The following TMEM40 variants were observed in gnomAD, a reference collection of about 807,000 sequenced individuals.
TMEM40 encodes the protein transmembrane protein 40.
A neutral mutation model predicts 40.8 loss-of-function variants in TMEM40; 34 were observed. That is an observed-to-expected ratio of 0.83 (90% CI 0.63 to 1.11). TMEM40 has a LOEUF of 1.11. TMEM40 is among the 50% of genes least tolerant of loss of function. The probability of loss-of-function intolerance (pLI) is 0.00; values close to 1 mark genes in which losing one functional copy is unlikely to be tolerated. For synonymous variants in TMEM40, 106 were observed against 107.0 expected (o/e 0.99, Z 0.06); for missense variants, 296 against 280.2 (o/e 1.06, Z -0.40).
chr3:12,762,986 C>G (rs2061579348), upstream of TMEM40, among the ~76,000 whole-genome samples: 2 of 151,912 alleles, frequency 1.3e-5, no homozygotes, highest in Admixed American at 1.3e-4. Flanking sequence ...AGTGAAACCC[C>G]CGTCTCTACT....
chr3:12,768,307 C>T (rs1275931089), intron 1 of TMEM40, among the ~76,000 whole-genome samples: 2 of 152,154 alleles, frequency 1.3e-5, no homozygotes, highest in Admixed American at 1.3e-4. Flanking sequence ...AACAACAAAG[C>T]TTCCACAGTG....
chr3:12,738,266 T>G, intron 6 of TMEM40, 98 bp from the exon 7 acceptor site: 1 of 1,390,302 alleles, frequency 7.2e-7, no homozygotes, highest in Non-Finnish European at 1.0e-6. Context: ...TAAAAAAATG[T>G]CCCCATGGAA....
exon 1 of TMEM40, chr3:12,769,271 C>T (rs1169271148): frequency 2.4e-6 from 1 of 412,380 alleles, no homozygotes. Flanking sequence ...GCTGAGGGAG[C>T]CGGCTCCGGC....
chr3:12,766,346 A>C (rs2061594676), intron 1 of TMEM40, among the ~76,000 whole-genome samples: 1 of 152,044 alleles, frequency 6.6e-6, no homozygotes, highest in Non-Finnish European at 1.5e-5. Context: ...CTGTAATCCC[A>C]GCACTTTGGG....
intron 1 of TMEM40, among the ~76,000 whole-genome samples, chr3:12,765,636 C>T (rs1354052215): frequency 4.8e-5 from 7 of 146,554 alleles, no homozygotes; most frequent in South Asian, 4.3e-4. Flanking sequence ...GGCGTGATCT[C>T]GGCTCACTCC....
At chr3:12,761,770 A>T (rs2061569757), upstream of TMEM40, among the ~76,000 whole-genome samples, 1 of 152,166 alleles carries the variant, frequency 6.6e-6, no homozygotes, top group Non-Finnish European at 1.5e-5. Flanking sequence ...CTGTCCGAAC[A>T]GTAGCCACCA....
intron 3 of TMEM40, 132 bp downstream of exon 3, chr3:12,748,523 C>A: frequency 7.8e-7 from 1 of 1,275,172 alleles, no homozygotes; most frequent in South Asian, 1.5e-5. Flanking sequence ...GTAGACAGAT[C>A]GGCTCTAGAA....
rs370139166 is a variant in TMEM40, at chr3:12,739,978, C to T, written c.356-1390G>A. Among the ~76,000 whole-genome samples, 17 of 148,614 alleles carry T rather than the reference C, an allele frequency of 1.1e-4. 2 individuals carry two copies. The highest frequency in any genetic ancestry group is 2.7e-4 in the Admixed American group (4 of 14,816). On this transcript the variant is annotated intron_variant, in intron 5 of 11. Transcript: ENST00000314124. ...AGCTGGGATTACAGGTGTGAGCCAC[C>T]ATGTCTGGCTCTCACAATCATAATT...
chr3:12,743,294 C>T (rs950553939), intron 4 of TMEM40, among the ~76,000 whole-genome samples: 13 of 152,142 alleles, frequency 8.5e-5, no homozygotes, highest in African/African-American at 2.9e-4. Context: ...ATGGTAAAAC[C>T]CTGTCTCTAC....
chr3:12,738,068 T>C, intron 7 of TMEM40, 68 bp downstream of exon 7: 4 of 1,596,888 alleles, frequency 2.5e-6, no homozygotes, highest in Non-Finnish European at 3.4e-6. Flanking sequence ...TCAGGCTGTC[T>C]GAGGACCCAA....
At position 12,742,494 on chromosome 3, in the gene TMEM40, C is replaced by T. The variant is rs1391680924; in HGVS notation, c.315G>A (p.Gly105=). ...HGNGSPGPGH[G]EPDVLKDELQ... ...GCTCATCCTTCAAAACGTCAGGCTC[C>T]CCATGCCCAGGACCTGGATGGAGAC... Residue 105 remains glycine (G), a synonymous_variant, in exon 5 of 12, where the codon GGG becomes GGA. Coordinates refer to ENST00000314124, the MANE Select transcript of TMEM40 (RefSeq NM_018306.4). 7 of 1,613,856 alleles carry T rather than the reference C, an allele frequency of 4.3e-6. No homozygotes were observed. The highest frequency in any genetic ancestry group is 3.3e-4 in the Middle Eastern group (2 of 6,084).
At chr3:12,755,210 T>A (rs11706351) in intron 1 of TMEM40, among the ~76,000 whole-genome samples, 33,259 of 98,958 alleles carry the variant, frequency 0.34, 5,116 homozygotes, top group Non-Finnish European at 0.42. Flanking sequence ...TTTCTTTCTT[T>A]CTTTCTCTCT....
chr3:12,768,236 C>T (rs1258356809), intron 1 of TMEM40, among the ~76,000 whole-genome samples: 1 of 152,058 alleles, frequency 6.6e-6, no homozygotes, highest in African/African-American at 2.4e-5. Context: ...CAGAAGTGAG[C>T]CTGCAGACCT....
At chr3:12,754,306 C>T (rs569294192) in intron 1 of TMEM40, among the ~76,000 whole-genome samples, 30 of 151,992 alleles carry the variant, frequency 2.0e-4, no homozygotes, top group Admixed American at 1.6e-3. Flanking sequence ...AGCACGATTC[C>T]GTCTCAAAAC....
rs181317731 is a variant in TMEM40, at chr3:12,736,180, G to A, written c.619+398C>T. ...TTTTTTTTTTTTGAGACAGAGTCTC[G>A]CTCTGTTGCCCAGGCTGGAGTGCAG... On this transcript the variant is annotated intron_variant, in intron 10 of 11. Transcript: ENST00000314124. Among the ~76,000 whole-genome samples, 64 of 145,024 alleles carry A rather than the reference G, an allele frequency of 4.4e-4. 1 individual carries two copies. The East Asian group carries it at 0.011, about 25-fold the overall frequency.
chr3:12,736,414 T>G (rs571217632), intron 10 of TMEM40, among the ~76,000 whole-genome samples, 164 bp downstream of exon 10: 1 of 152,252 alleles, frequency 6.6e-6, no homozygotes, highest in Non-Finnish European at 1.5e-5. Flanking sequence ...CCTCCCAAAG[T>G]GCTGGGATTA....
rs200226147 is a variant in TMEM40, at chr3:12,743,955, G to T, written c.246C>A (p.Thr82=). The change falls in exon 4 of 12, where the codon ACC becomes ACA. Residue 82 remains threonine (T), a synonymous_variant. Transcript: ENST00000314124. The stretch of plus-strand genomic sequence containing the variant: ...CCCCCAGGCTCCGTCGATGTTTTCC[G>T]GTTGCTCTGGGTTGCTGGTCCTCAT... ...SNDEDQQPRA[T]GKHRRSLGAG... The T allele has an allele frequency of 2.5e-6, 4 of 1,613,276 alleles. No homozygotes were observed. In the East Asian group the frequency reaches 8.9e-5, roughly 36 times the overall value.
rs112876802 is a variant in TMEM40, at chr3:12,752,796, C to G, written c.-8-2956G>C. The stretch of plus-strand genomic sequence containing the variant: ...CCAGCCTGGGCGACAGGGCAAGACT[C>G]TGTCTCAAAAAAAAAAAGAAAGAAA... On this transcript the variant is annotated intron_variant, in intron 1 of 11. Transcript: ENST00000314124. Among the ~76,000 whole-genome samples, 22 of 151,256 alleles carry G rather than the reference C, an allele frequency of 1.5e-4. 1 individual carries two copies. The highest frequency in any genetic ancestry group is 5.3e-4 in the African/African-American group (22 of 41,196).
intron 1 of TMEM40, among the ~76,000 whole-genome samples, chr3:12,756,480 A>T (rs1007335543): frequency 6.6e-6 from 1 of 152,346 alleles, no homozygotes; most frequent in Non-Finnish European, 1.5e-5. Flanking sequence ...GGGTCTAATC[A>T]GATAATTTGT....
Sources: allele counts gnomAD v4.1 joint callset (sites outside exome capture counted in the v4.1 genomes callset), GRCh38; gene constraint gnomAD v4.1.1; transcripts MANE v1.5; gene names NCBI Gene and HGNC (gene_info 2026-07-23, HGNC 2026-07-21).